PLCXD3: variants seen among roughly 807,000 people sequenced by gnomAD.
PLCXD3 encodes phosphatidylinositol specific phospholipase C X domain containing 3.
Under a neutral mutation model 25.5 loss-of-function variants are expected in PLCXD3, and 19 were observed. The ratio of observed to expected loss-of-function variants is 0.75; its 90% CI spans 0.52 to 1.09. The LOEUF (loss-of-function observed/expected upper bound fraction) is 1.09. Among genes scored for constraint, PLCXD3 ranks in the 50% least tolerant of loss-of-function variants. PLCXD3 has a pLI of 0.00. For missense variants in PLCXD3, 411 were observed against 388.1 expected (o/e 1.06, Z -0.50); for synonymous variants, 174 against 137.6 (o/e 1.26, Z -1.85).
At chr5:41,360,474 A>G (rs1744740777) in intron 2 of PLCXD3, among the ~76,000 whole-genome samples, 1 of 151,976 alleles carries the variant, frequency 6.6e-6, no homozygotes, top group Non-Finnish European at 1.5e-5. Flanking sequence ...GTTCCTTCTC[A>G]TTTGGGAAGA....
At chr5:41,340,341 C>A (rs1414817694) in intron 2 of PLCXD3, among the ~76,000 whole-genome samples, 3 of 152,102 alleles carry the variant, frequency 2.0e-5, no homozygotes, top group African/African-American at 4.8e-5. Context: ...TCAAAATTAT[C>A]CTAGAGGCAA....
intron 1 of PLCXD3, among the ~76,000 whole-genome samples, chr5:41,408,781 A>G (rs1746430866): frequency 6.6e-6 from 1 of 152,190 alleles, no homozygotes; most frequent in South Asian, 2.1e-4. Context: ...GAGGCCACCA[A>G]GCTGCATTTT....
At chr5:41,449,046 A>G (rs1747569195) in intron 1 of PLCXD3, among the ~76,000 whole-genome samples, 2 of 152,118 alleles carry the variant, frequency 1.3e-5, no homozygotes, top group African/African-American at 4.8e-5. Flanking sequence ...AACTTTCTAT[A>G]TCCATGACTT....
chr5:41,504,812 C>T (rs139345183), intron 1 of PLCXD3, among the ~76,000 whole-genome samples: 1 of 152,312 alleles, frequency 6.6e-6, no homozygotes, highest in Non-Finnish European at 1.5e-5. Flanking sequence ...GCCCAAATGA[C>T]TGGCTTATAG....
At chr5:41,381,368 T>C (rs771557692) in intron 2 of PLCXD3, among the ~76,000 whole-genome samples, 29 of 152,176 alleles carry the variant, frequency 1.9e-4, no homozygotes, top group Non-Finnish European at 3.8e-4. Flanking sequence ...TGACATTATT[T>C]GGAAATTGGT....
At chr5:41,346,920 G>A (rs751820236) in intron 2 of PLCXD3, among the ~76,000 whole-genome samples, 5 of 151,990 alleles carry the variant, frequency 3.3e-5, no homozygotes, top group Non-Finnish European at 5.9e-5. Context: ...CTTCATCTTC[G>A]TTCCTTCTAA....
At chr5:41,440,082 A>G (rs1321299238) in intron 1 of PLCXD3, among the ~76,000 whole-genome samples, 2 of 152,130 alleles carry the variant, frequency 1.3e-5, no homozygotes, top group Non-Finnish European at 2.9e-5. Flanking sequence ...GGCCATTTAT[A>G]GAGTAGTTGA....
chr5:41,510,541 T>C lies in PLCXD3; in HGVS notation c.-15A>G, dbSNP rs528750297. The stretch of plus-strand genomic sequence containing the variant: ...GACGAGGCCATCGTGCCAGTCGGCG[T>C]GCAGCGCGCTGGTCCCAGCACTCCT... On this transcript the variant is annotated 5_prime_UTR_variant, in exon 1 of 3. Coordinates refer to ENST00000377801, the MANE Select transcript of PLCXD3 (RefSeq NM_001005473.3). 4.4e-6 allele frequency: 7 copies of C among 1,607,852 alleles called. No individual in the cohort carries two copies. The East Asian group carries it at 9.0e-5, about 21-fold the overall frequency.
chr5:41,497,807 A>T (rs1580403971), intron 1 of PLCXD3, among the ~76,000 whole-genome samples: 1 of 151,914 alleles, frequency 6.6e-6, no homozygotes, highest in Non-Finnish European at 1.5e-5. Flanking sequence ...CAAATTTAAG[A>T]GTATTGAAAT....
chr5:41,473,464 A>ATTAAT (rs986150905), intron 1 of PLCXD3, among the ~76,000 whole-genome samples: 23 of 132,380 alleles, frequency 1.7e-4, no homozygotes, highest in East Asian at 1.4e-3. Flanking sequence ...TAATTAATTA[A>ATTAAT]TAATAATTAT....
intron 1 of PLCXD3, among the ~76,000 whole-genome samples, chr5:41,439,070 C>T (rs374070527): frequency 1.3e-5 from 2 of 152,194 alleles, no homozygotes; most frequent in African/African-American, 2.4e-5. Flanking sequence ...GTGGAGCTCA[C>T]GGACACTTCC....
At chr5:41,373,701 T>A (rs1745194913) in intron 2 of PLCXD3, among the ~76,000 whole-genome samples, 1 of 152,150 alleles carries the variant, frequency 6.6e-6, no homozygotes, top group Non-Finnish European at 1.5e-5. Context: ...CTTCTTCTTC[T>A]GCTTTCTCAT....
At chr5:41,435,106 T>C (rs1285676336) in intron 1 of PLCXD3, among the ~76,000 whole-genome samples, 1 of 152,254 alleles carries the variant, frequency 6.6e-6, no homozygotes, top group Non-Finnish European at 1.5e-5. Flanking sequence ...TGTGCATCTA[T>C]GTGTACAAAG....
chr5:41,315,246 C>T (rs1316610843), intron 2 of PLCXD3, among the ~76,000 whole-genome samples: 1 of 151,692 alleles, frequency 6.6e-6, no homozygotes, highest in African/African-American at 2.4e-5. Context: ...AGGCCAGAGA[C>T]ATGATAGTGT....
At chr5:41,471,837 C>T (rs1748168609) in intron 1 of PLCXD3, among the ~76,000 whole-genome samples, 1 of 7,330 alleles carries the variant, frequency 1.4e-4, no homozygotes, top group Non-Finnish European at 3.0e-4. Context: ...CCTCCCCTCC[C>T]CTCCCCTCCC....
intron 2 of PLCXD3, among the ~76,000 whole-genome samples, chr5:41,353,466 A>G (rs1402486211): frequency 6.6e-6 from 1 of 152,206 alleles, no homozygotes; most frequent in South Asian, 2.1e-4. Flanking sequence ...GGAGTTTTAT[A>G]TAAGTAGGAT....
intron 2 of PLCXD3, among the ~76,000 whole-genome samples, chr5:41,360,611 AGT>A (rs745634586): frequency 1.3e-5 from 2 of 152,092 alleles, no homozygotes; most frequent in Non-Finnish European, 2.9e-5. Flanking sequence ...GCCAAAATGC[AGT>A]GATTGTTTTT....
In PLCXD3 at chr5:41,382,231, T is replaced by C. The variant is rs554578246; in HGVS notation, c.407A>G (p.His136Arg). 1.1e-5 allele frequency: 17 copies of C among 1,613,658 alleles called. No homozygotes were observed. Among genetic ancestry groups the C allele is most frequent in the Non-Finnish European group, 1.4e-5 (16 of 1,179,804 alleles). The change falls in exon 2 of 3, where the codon CAT (histidine) becomes CGT (arginine). Residue 136 changes from histidine to arginine, a missense_variant. By Grantham distance (29) the His-to-Arg change is conservative. Coordinates refer to ENST00000377801, the MANE Select transcript of PLCXD3 (RefSeq NM_001005473.3). ...EEINAFLTDH[H>R]KEVVFLDFNH... Reference sequence around the variant, plus strand: ...GAAGTCCAAGAACACTACCTCCTTATGGTGATCTGTGAGGAATGCATTGAT... The same window carrying C: ...GAAGTCCAAGAACACTACCTCCTTACGGTGATCTGTGAGGAATGCATTGAT...
chr5:41,469,778 C>T (rs1158993147), intron 1 of PLCXD3, among the ~76,000 whole-genome samples: 6 of 152,168 alleles, frequency 3.9e-5, no homozygotes, highest in Admixed American at 3.9e-4. Context: ...GGTAGGCAGG[C>T]ATTCTTTCTG....
Sources: allele counts gnomAD v4.1 joint callset (sites outside exome capture counted in the v4.1 genomes callset), GRCh38; gene constraint gnomAD v4.1.1; transcripts MANE v1.5; gene names NCBI Gene and HGNC (gene_info 2026-07-23, HGNC 2026-07-21).